DNTTIP2: variants seen among roughly 807,000 people sequenced by gnomAD.
DNTTIP2 encodes the protein deoxynucleotidyltransferase terminal interacting protein 2.
Under a neutral mutation model 62.4 loss-of-function variants are expected in DNTTIP2, and 47 were observed. The ratio of observed to expected loss-of-function variants is 0.75; its 90% CI spans 0.60 to 0.96. The LOEUF is 0.96. Ranked by LOEUF, DNTTIP2 falls within the 40% of genes least tolerant of loss-of-function variation. The pLI is 0.00. For synonymous variants in DNTTIP2, 322 were observed against 300.9 expected (o/e 1.07, Z -0.73); for missense variants, 870 against 849.1 (o/e 1.02, Z -0.31).
Position 93,869,671 on chromosome 1 carries a change from C to T in DNTTIP2, c.*180G>A, listed in dbSNP as rs1469281930. 3.8e-6 allele frequency: 2 copies of T among 531,486 alleles called. No homozygotes were observed. Among genetic ancestry groups the T allele is most frequent in the Non-Finnish European group, 6.9e-6 (2 of 290,504 alleles). 32.9% of individuals were successfully genotyped at this position (531,486 alleles called of 1,614,324 possible). ...TCTACACCAGGGTGGGTCTTTTAGA[C>T]ACCCCTATTTTCTAAGGGCATGTAA... On this transcript the variant is annotated 3_prime_UTR_variant, in exon 7 of 7. Transcript: ENST00000436063.
intron 1 of DNTTIP2, among the ~76,000 whole-genome samples, chr1:93,878,275 G>A (rs1294388901): frequency 6.6e-6 from 1 of 152,154 alleles, no homozygotes; most frequent in African/African-American, 2.4e-5. Flanking sequence ...CTGCACTCTA[G>A]CCTGGGCGAC....
chr1:93,867,748 A>G lies in DNTTIP2; in HGVS notation c.*2103T>C, dbSNP rs1282412416. On this transcript the variant is annotated 3_prime_UTR_variant, in exon 7 of 7. Coordinates refer to ENST00000436063, the MANE Select transcript of DNTTIP2 (RefSeq NM_014597.5). ...AAGGCCAGAAGCACTAAAGGATACA[A>G]TTCTCTCATACTGGGTCCTTATTTT... The G allele has an allele frequency of 6.6e-6, 1 of 152,156 alleles. No individual in the cohort carries two copies. The highest frequency in any genetic ancestry group is 1.9e-4 in the East Asian group (1 of 5,196). 9.4% of individuals were successfully genotyped at this position (152,156 alleles called of 1,614,324 possible).
intron 3 of DNTTIP2, 104 bp downstream of exon 3, chr1:93,875,541 G>C (rs1210136157): frequency 1.7e-6 from 2 of 1,188,682 alleles, no homozygotes; most frequent in Non-Finnish European, 2.3e-6. Flanking sequence ...TAACACATTA[G>C]GCCAATGTGG....
rs1213122730 is a variant in DNTTIP2, at chr1:93,869,478, G to A, written c.*373C>T. ...AAAACTACCTATTAATTACAATAAT[G>A]TTTATATATCTTTGATCATTTTTTA... is the stretch of plus-strand genomic sequence containing the variant. On this transcript the variant is annotated 3_prime_UTR_variant, in exon 7 of 7. Transcript: ENST00000436063. The A allele has an allele frequency of 5.4e-6, 1 of 185,838 alleles. No individual in the cohort carries two copies. Among genetic ancestry groups the A allele is most frequent in the Non-Finnish European group, 1.1e-5 (1 of 88,776 alleles). The allele number at this position is 185,838 out of a possible 1,614,324, so 11.5% of individuals were successfully genotyped here. A position where few individuals can be genotyped will look rare whatever the true frequency, so the allele number is the denominator to read the frequency against.
chr1:93,875,828 A>C, intron 2 of DNTTIP2, 45 bp from the exon 3 acceptor site: 1 of 1,563,168 alleles, frequency 6.4e-7, no homozygotes, highest in South Asian at 1.2e-5. Flanking sequence ...TTAAATCAAA[A>C]TGGAAACATA....
chr1:93,875,559 G>A, intron 3 of DNTTIP2, 86 bp downstream of exon 3: 3 of 1,414,850 alleles, frequency 2.1e-6, no homozygotes, highest in Non-Finnish European at 2.9e-6. Flanking sequence ...TGGTTTCACT[G>A]TAGGAAAATT....
Position 93,870,792 on chromosome 1 carries a change from TC to T in DNTTIP2, c.2068-1del. 6.6e-7 allele frequency: 1 copy of T among 1,514,996 alleles called. No individual in the cohort carries two copies. Among genetic ancestry groups the T allele is most frequent in the Non-Finnish European group, 8.9e-7 (1 of 1,118,312 alleles). 93.8% of individuals were successfully genotyped at this position (1,514,996 alleles called of 1,614,324 possible). A position where few individuals can be genotyped will look rare whatever the true frequency, so the allele number is the denominator to read the frequency against. On this transcript the variant is annotated splice_acceptor_variant, in intron 5 of 6. Coordinates refer to ENST00000436063, the MANE Select transcript of DNTTIP2 (RefSeq NM_014597.5). LOFTEE classifies it high-confidence loss of function. ...GCTGGATTGTCAACAATGGTTCCAA[TC>T]TGTGAACAATTGATTGAAATAAGTC...
Position 93,876,590 on chromosome 1 carries a change from C to T in DNTTIP2, c.1345G>A (p.Glu449Lys). The change falls in exon 2 of 7, where the codon GAA becomes AAA. Residue 449 changes from glutamate to lysine, a missense_variant. By Grantham distance (56) the Glu-to-Lys change is moderately conservative. Transcript: ENST00000436063. Reference protein sequence around the residue: ...NSVLLVLSSDESQQSENSENE... With the variant: ...NSVLLVLSSDKSQQSENSENE... ...TCACTGTTTTCAGACTGTTGGCTTT[C>T]ATCACTGCTGAGAACTAGTAAGACA... is the stretch of plus-strand genomic sequence containing the variant. 1 of 1,614,036 alleles carries T rather than the reference C, an allele frequency of 6.2e-7. No individual in the cohort carries two copies.
chr1:93,877,322 T>C lies in DNTTIP2; in HGVS notation c.613A>G (p.Ser205Gly), dbSNP rs777958379. ...TGTGCCTTTAATTTCCTCTGCATAC[T>C]CCTGGTTCTTCTAGTTGCAATTCCA... ...FSGIATRRTR[S>G]MQRKLKAQTE... Residue 205 changes from serine to glycine, a missense_variant, in exon 2 of 7, where the codon AGT becomes GGT. Physicochemically the swap from Ser to Gly is moderately conservative, Grantham distance 56. Transcript: ENST00000436063. 3 of 1,613,662 alleles carry C rather than the reference T, an allele frequency of 1.9e-6. No individual in the cohort carries two copies. The highest frequency in any genetic ancestry group is 2.5e-6 in the Non-Finnish European group (3 of 1,179,878).
chr1:93,871,062 G>C, intron 5 of DNTTIP2: 1 of 230,338 alleles, frequency 4.3e-6, no homozygotes, highest in Admixed American at 5.3e-5. Flanking sequence ...GAGAAAAGTG[G>C]AACAGATAAT....
At position 93,872,124 on chromosome 1, in the gene DNTTIP2, G is replaced by A. The variant is rs367746927; in HGVS notation, c.2015C>T (p.Pro672Leu). 14 of 1,613,496 alleles carry A rather than the reference G, an allele frequency of 8.7e-6. No homozygotes were observed. In the South Asian group the frequency reaches 8.8e-5, roughly 10 times the overall value. ...ATCATTTTTCTTGTAAAATCTTTTC[G>A]GGTCCATGCTGGCTCTCATCTTCAG... is the stretch of plus-strand genomic sequence containing the variant. ...KALKMRASMD[P>L]KRFYKKNDRD... Residue 672 changes from proline (P) to leucine (L), a missense_variant, in exon 5 of 7, where the codon CCG becomes CTG. Physicochemically the swap from Pro to Leu is moderately conservative, Grantham distance 98. Transcript: ENST00000436063.
chr1:93,877,314 C>T lies in DNTTIP2; in HGVS notation c.621G>A (p.Gln207=). Residue 207 remains glutamine, a synonymous_variant, in exon 2 of 7, where the codon CAG becomes CAA. Transcript: ENST00000436063. ...TTTCAGTTTGTGCCTTTAATTTCCTCTGCATACTCCTGGTTCTTCTAGTTG... is the reference window on the plus strand; with the variant it reads ...TTTCAGTTTGTGCCTTTAATTTCCTTTGCATACTCCTGGTTCTTCTAGTTG... ...GIATRRTRSM[Q]RKLKAQTEKK... 6.2e-7 allele frequency: 1 copy of T among 1,613,492 alleles called. No individual in the cohort carries two copies. The highest frequency in any genetic ancestry group is 1.3e-5 in the African/African-American group (1 of 74,998).
rs780254284 is a variant in DNTTIP2 at position 93,877,761 on chromosome 1, G to A, written c.174C>T (p.Ile58=). The change falls in exon 2 of 7, where the codon ATC becomes ATT. Residue 58 remains isoleucine, a synonymous_variant. Transcript: ENST00000436063. The part of the protein sequence containing the change: ...ESQTTGKQSL[I]PRTPKARKRK... ...TCTTTCTAGCTTTAGGAGTTCTAGG[G>A]ATTAAACTTTGCTTCCCAGTGGTCT... 3 of 1,612,900 alleles carry A rather than the reference G, an allele frequency of 1.9e-6. No individual in the cohort carries two copies. The highest frequency in any genetic ancestry group is 2.2e-5 in the East Asian group (1 of 44,882).
At chr1:93,870,622 T>G (rs1655833738) in intron 6 of DNTTIP2, 61 bp downstream of exon 6, 3 of 854,246 alleles carry the variant, frequency 3.5e-6, no homozygotes, top group African/African-American at 1.7e-5. Context: ...TGAAAATTTA[T>G]AAGTTTATAC....
Position 93,869,768 on chromosome 1 carries a change from T to G in DNTTIP2, c.*83A>C. ...AGGGCCAGTCTATGGTAAATTAATT[T>G]AGATGATGGTGTTAGTTTTCCAAAC... On this transcript the variant is annotated 3_prime_UTR_variant, in exon 7 of 7. Coordinates refer to ENST00000436063, the MANE Select transcript of DNTTIP2 (RefSeq NM_014597.5). 1 of 701,236 alleles carries G rather than the reference T, an allele frequency of 1.4e-6. No homozygotes were observed. Among genetic ancestry groups the G allele is most frequent in the Non-Finnish European group, 2.7e-6 (1 of 376,314 alleles). The allele number at this position is 701,236 out of a possible 1,614,324, so 43.4% of individuals were successfully genotyped here. A position where few individuals can be genotyped will look rare whatever the true frequency, so the allele number is the denominator to read the frequency against.
intron 5 of DNTTIP2, among the ~76,000 whole-genome samples, chr1:93,871,675 G>A (rs944956803): frequency 2.0e-5 from 3 of 152,196 alleles, no homozygotes; most frequent in Non-Finnish European, 4.4e-5. Flanking sequence ...ATTCATCACT[G>A]AATGTTTCTG....
intron 3 of DNTTIP2, chr1:93,873,420 T>G: frequency 1.9e-5 from 6 of 323,464 alleles, no homozygotes; most frequent in East Asian, 6.3e-5. Flanking sequence ...AGCAAGACCC[T>G]GACTGTAAAA....
chr1:93,875,269 A>G (rs1655971527), intron 3 of DNTTIP2, among the ~76,000 whole-genome samples: 1 of 152,232 alleles, frequency 6.6e-6, no homozygotes, highest in African/African-American at 2.4e-5. Context: ...AAATGTCTAT[A>G]TGCACATGTG....
chr1:93,879,000 C>G, intron 1 of DNTTIP2, 77 bp downstream of exon 1: 2 of 1,568,896 alleles, frequency 1.3e-6, no homozygotes, highest in Non-Finnish European at 1.7e-6. Flanking sequence ...CACCCTTAAC[C>G]GGACCCTTGC....
Sources: allele counts gnomAD v4.1 joint callset (sites outside exome capture counted in the v4.1 genomes callset), GRCh38; gene constraint gnomAD v4.1.1; transcripts MANE v1.5; gene names NCBI Gene and HGNC (gene_info 2026-07-23, HGNC 2026-07-21).